Variants in JMJD6 observed in about 807,000 individuals in gnomAD.
JMJD6 encodes the protein bifunctional arginine demethylase and lysyl-hydroxylase JMJD6.
In JMJD6, 17 loss-of-function variants were observed where a neutral mutation model predicts 45.8. That is an observed-to-expected ratio of 0.37 (90% CI 0.25 to 0.56). The LOEUF is 0.56. Ranked by LOEUF, JMJD6 falls within the 20% of genes least tolerant of loss-of-function variation. The pLI is 0.79. For missense variants in JMJD6, 470 were observed against 517.5 expected (o/e 0.91, Z 0.89); for synonymous variants, 221 against 196.3 (o/e 1.13, Z -1.05).
intron 3 of JMJD6, among the ~76,000 whole-genome samples, chr17:76,722,914 TAC>T (rs2076845476): frequency 2.5e-3 from 4 of 1,628 alleles, no homozygotes; most frequent in African/African-American, 4.9e-3. Context: ...CCGCTACACA[TAC>T]ACAAACAAAG....
chr17:76,716,562 G>A (rs977375734), downstream of JMJD6: 1 of 869,264 alleles, frequency 1.2e-6, no homozygotes, highest in African/African-American at 1.7e-5. Flanking sequence ...GCTTGGACCA[G>A]GGAAGGAATA....
intron 4 of JMJD6, 49 bp downstream of exon 4, chr17:76,721,749 T>C (rs757529752): frequency 1.9e-6 from 3 of 1,592,024 alleles, no homozygotes; most frequent in Non-Finnish European, 2.6e-6. Context: ...ATTTTATCTC[T>C]GGGGTCGAAA....
intron 3 of JMJD6, among the ~76,000 whole-genome samples, chr17:76,723,337 G>T (rs1433243427): frequency 6.6e-6 from 1 of 152,106 alleles, no homozygotes; most frequent in Non-Finnish European, 1.5e-5. Flanking sequence ...ACTGTCAGAG[G>T]TGAGTACCAG....
At chr17:76,714,776 T>C (rs2076752607), downstream of JMJD6, 1 of 152,252 alleles carries the variant, frequency 6.6e-6, no homozygotes, top group African/African-American at 2.4e-5. Context: ...AACTTTAGCA[T>C]CTGGAGAAAG....
At chr17:76,726,007 G>A (rs1240786767) in intron 1 of JMJD6, 152 bp from the exon 2 acceptor site, 3 of 1,070,792 alleles carry the variant, frequency 2.8e-6, no homozygotes, top group African/African-American at 3.2e-5. Context: ...GCGTGCGTGA[G>A]GCCACGTCGT....
chr17:76,726,511 G>T lies in JMJD6; in HGVS notation c.-36C>A. On this transcript the variant is annotated 5_prime_UTR_variant, in exon 1 of 6. Coordinates refer to ENST00000397625, the MANE Select transcript of JMJD6 (RefSeq NM_015167.3). ...CGCCAGCTGGTTCCGCTACGACCTCGGCGCAGCCCGCTTCCTGACACTAAC... is the reference window on the plus strand; with the variant it reads ...CGCCAGCTGGTTCCGCTACGACCTCTGCGCAGCCCGCTTCCTGACACTAAC... 1 of 1,570,046 alleles carries T rather than the reference G, an allele frequency of 6.4e-7. No individual in the cohort carries two copies. Among genetic ancestry groups the T allele is most frequent in the Non-Finnish European group, 8.6e-7 (1 of 1,159,786 alleles).
At chr17:76,722,845 CAAAAAAAAAA>C (rs71158058) in intron 3 of JMJD6, among the ~76,000 whole-genome samples, 10 of 43,270 alleles carry the variant, frequency 2.3e-4, no homozygotes, top group African/African-American at 1.2e-3. Flanking sequence ...GACTTGGTCT[CAAAAAAAAAA>C]AAAAAAAAAA....
chr17:76,723,642 C>G (rs572892421), intron 3 of JMJD6, 130 bp downstream of exon 3: 1 of 851,668 alleles, frequency 1.2e-6, no homozygotes, highest in Non-Finnish European at 1.8e-6. Flanking sequence ...GGGGTTTCAC[C>G]GTGTTAGCAA....
In JMJD6 at chr17:76,721,855, G is replaced by A. The variant is rs1262854064; in HGVS notation, c.884C>T (p.Pro295Leu). 1.9e-6 allele frequency: 3 copies of A among 1,614,016 alleles called. No homozygotes were observed. The highest frequency in any genetic ancestry group is 8.5e-7 in the Non-Finnish European group (1 of 1,179,992). ...TQNFASSTNFPVVWHKTVRGR... is the reference protein window; with the variant it reads ...TQNFASSTNFLVVWHKTVRGR... ...TCTTACCGTCTTGTGCCATACCACA[G>A]GGAAGTTGGTGCTGCTGGCAAAATT... The change falls in exon 4 of 6, where the codon CCT becomes CTT. Residue 295 changes from proline to leucine, a missense_variant. Around this residue, in one of 4 missense-constraint regions of JMJD6, gnomAD observed 58 missense variants for 103.9 expected, o/e 0.56. Coordinates refer to ENST00000397625, the MANE Select transcript of JMJD6 (RefSeq NM_015167.3).
At chr17:76,725,936 T>C in intron 1 of JMJD6, 81 bp from the exon 2 acceptor site, 1 of 1,461,432 alleles carries the variant, frequency 6.8e-7, no homozygotes, top group East Asian at 2.3e-5. Flanking sequence ...CAAGGCCAAC[T>C]GGTAATGACA....
Position 76,725,740 on chromosome 17 carries a change from T to C in JMJD6, c.245A>G (p.Gln82Arg). The change falls in exon 2 of 6, where the codon CAG becomes CGG. Residue 82 changes from glutamine to arginine, a missense_variant. Coordinates refer to ENST00000397625, the MANE Select transcript of JMJD6 (RefSeq NM_015167.3). ...LLNAQEGWSA[Q>R]EKWTLERLKR... ...TAGGCGCTCCAGAGTCCATTTCTCC[T>C]GCGCAGACCAGCCCTCTTGCGCATT... The C allele has an allele frequency of 2.5e-6, 4 of 1,614,162 alleles. No individual in the cohort carries two copies. Among genetic ancestry groups the C allele is most frequent in the Non-Finnish European group, 3.4e-6 (4 of 1,180,034 alleles).
chr17:76,717,130 G>C (rs570675173), downstream of JMJD6, among the ~76,000 whole-genome samples: 11 of 152,244 alleles, frequency 7.2e-5, no homozygotes, highest in African/African-American at 2.6e-4. Flanking sequence ...TGAGCTGCTG[G>C]GAGAGAAAAC....
Position 76,725,539 on chromosome 17 carries a change from T to C in JMJD6, c.446A>G (p.Asp149Gly). The C allele has an allele frequency of 6.2e-7, 1 of 1,614,094 alleles. No individual in the cohort carries two copies. Among genetic ancestry groups the C allele is most frequent in the Non-Finnish European group, 8.5e-7 (1 of 1,180,002 alleles). ...EHPKRRKLLE[D>G]YKVPKFFTDD... ...AGTGAAAAACTTTGGCACCTTGTAGTCTTCCAAAAGTTTCCTTCTTTTAGG... is the reference window on the plus strand; with the variant it reads ...AGTGAAAAACTTTGGCACCTTGTAGCCTTCCAAAAGTTTCCTTCTTTTAGG... Residue 149 changes from aspartate to glycine, a missense_variant, in exon 2 of 6, where the codon GAC becomes GGC. Around this residue, in one of 4 missense-constraint regions of JMJD6, gnomAD observed 346 missense variants for 339.5 expected, o/e 1.02. Coordinates refer to ENST00000397625, the MANE Select transcript of JMJD6 (RefSeq NM_015167.3).
chr17:76,718,244 C>G (rs1270360046), downstream of JMJD6, among the ~76,000 whole-genome samples: 1 of 150,152 alleles, frequency 6.7e-6, no homozygotes, highest in Admixed American at 6.7e-5. Context: ...GCAGCAACGG[C>G]AAACTGGGAG....
At position 76,725,719 on chromosome 17, in the gene JMJD6, C is replaced by G; in HGVS notation, c.266G>C (p.Arg89Pro). ...CTGGTTCCGATATTTCCTTTTTAGG[C>G]GCTCCAGAGTCCATTTCTCCTGCGC... The part of the protein sequence containing the change: ...WSAQEKWTLE[R>P]LKRKYRNQKF... The change falls in exon 2 of 6, where the codon CGC (arginine) becomes CCC (proline). Residue 89 changes from arginine to proline, a missense_variant. Physicochemically the swap from Arg to Pro is moderately radical, Grantham distance 103 (BLOSUM62 -2). This residue lies in a region of JMJD6 where 346 missense variants were observed against 339.5 expected (regional missense o/e 1.02). Coordinates refer to ENST00000397625, the MANE Select transcript of JMJD6 (RefSeq NM_015167.3). The G allele has an allele frequency of 2.5e-6, 4 of 1,614,088 alleles. No homozygotes were observed. The highest frequency in any genetic ancestry group is 3.4e-6 in the Non-Finnish European group (4 of 1,180,022).
downstream of JMJD6, chr17:76,716,347 C>T (rs565120208): frequency 2.7e-5 from 7 of 256,402 alleles, no homozygotes; most frequent in South Asian, 5.9e-5. Flanking sequence ...TACCGACATC[C>T]GTGAGGTAAC....
intron 4 of JMJD6, chr17:76,721,239 A>G: frequency 2.6e-6 from 1 of 382,590 alleles, no homozygotes; most frequent in South Asian, 1.8e-5. Flanking sequence ...CTGAGCATGG[A>G]ACAAGCCAGA....
chr17:76,722,807 TTGTGCTCCAGCCTGGGTG>T (rs2076841872), intron 3 of JMJD6, among the ~76,000 whole-genome samples: 3 of 136,942 alleles, frequency 2.2e-5, no homozygotes, highest in African/African-American at 8.6e-5. Context: ...GATTGTGCCA[TTGTGCTCCAGCCTGGGTG>T]ACAGAGCGAG....
At chr17:76,717,151 A>G (rs2076771200), downstream of JMJD6, among the ~76,000 whole-genome samples, 1 of 152,168 alleles carries the variant, frequency 6.6e-6, no homozygotes, top group Non-Finnish European at 1.5e-5. Context: ...GTTAACAGGA[A>G]TGTCACCTTC....
Sources: allele counts gnomAD v4.1 joint callset (sites outside exome capture counted in the v4.1 genomes callset), GRCh38; gene constraint gnomAD v4.1.1; regional missense constraint gnomAD v4.1.1; transcripts MANE v1.5; gene names NCBI Gene and HGNC (gene_info 2026-07-23, HGNC 2026-07-21).